Variants in TMED10 observed in about 807,000 individuals in gnomAD.
TMED10 encodes the protein transmembrane p24 trafficking protein 10, also known as transmembrane emp24 domain-containing protein 10.
A neutral mutation model predicts 23.1 loss-of-function variants in TMED10; 7 were observed. The ratio of observed to expected loss-of-function variants is 0.30; its 90% CI spans 0.17 to 0.57. TMED10 has a LOEUF of 0.57. Among genes scored for constraint, TMED10 ranks in the 20% least tolerant of loss-of-function variants. The pLI, the probability that TMED10 is intolerant of heterozygous loss-of-function variation, is 0.91. For missense variants in TMED10, 162 were observed against 274.8 expected, an observed-to-expected ratio of 0.59 and a Z score of 2.90; for synonymous variants, 113 against 106.9, an observed-to-expected ratio of 1.06 and a Z score of -0.35.
chr14:75,139,148 C>A (rs1194044311), intron 3 of TMED10: 1 of 453,162 alleles, frequency 2.2e-6, no homozygotes, highest in Non-Finnish European at 4.4e-6. Context: ...TATCTTTCCA[C>A]ACCTTTTCTT....
rs35138830 is a variant in TMED10, at chr14:75,132,384, T to TCCCCCCCC, written c.*2493_*2500dup. ...GCCTGGGCGTTGCAGCAAGACTCCG[T>TCCCCCCCC]CCCCCCCCCCCCAAAAAAAAAAAAG... On this transcript the variant is annotated 3_prime_UTR_variant, in exon 5 of 5. Coordinates refer to ENST00000303575, the MANE Select transcript of TMED10 (RefSeq NM_006827.6). The TCCCCCCCC allele has an allele frequency of 1.9e-5, 1 of 52,890 alleles. No homozygotes were observed. The highest frequency in any genetic ancestry group is 7.8e-5 in the African/African-American group (1 of 12,878). The allele number at this position is 52,890 out of a possible 1,614,324, so 3.3% of individuals were successfully genotyped here.
intron 1 of TMED10, among the ~76,000 whole-genome samples, chr14:75,167,735 G>A (rs1219194380): frequency 6.6e-6 from 1 of 152,074 alleles, no homozygotes; most frequent in East Asian, 1.9e-4. Flanking sequence ...GTTCATGCCT[G>A]TAATCTCAGT....
At chr14:75,142,433 C>T (rs1237781522) in intron 3 of TMED10, among the ~76,000 whole-genome samples, 1 of 152,120 alleles carries the variant, frequency 6.6e-6, no homozygotes, top group South Asian at 2.1e-4. Context: ...CTGTAAAATT[C>T]GAGAACAGAA....
In TMED10 at chr14:75,134,908, T is replaced by G. The variant is rs779241962; in HGVS notation, c.637A>C (p.Lys213Gln). The G allele has an allele frequency of 1.9e-6, 3 of 1,613,846 alleles. No homozygotes were observed. The South Asian group carries it at 3.3e-5, about 18-fold the overall frequency. ...WQVFYLRRFF[K>Q]AKKLIE ...CATTACTCAATCAATTTCTTGGCCTTGAAGAAGCGTCGCAGGTAGAAGACC... is the reference window on the plus strand; with the variant it reads ...CATTACTCAATCAATTTCTTGGCCTGGAAGAAGCGTCGCAGGTAGAAGACC... The change falls in exon 5 of 5, where the codon AAG becomes CAG. Residue 213 changes from lysine to glutamine, a missense_variant. Lys to Gln is a moderately conservative substitution (Grantham distance 53, BLOSUM62 1). Coordinates refer to ENST00000303575, the MANE Select transcript of TMED10 (RefSeq NM_006827.6).
intron 2 of TMED10, 130 bp downstream of exon 2, chr14:75,151,902 A>C: frequency 1.3e-6 from 1 of 781,796 alleles, no homozygotes; most frequent in Non-Finnish European, 2.0e-6. Context: ...CAAAGACTAC[A>C]AGGTAACAGG....
Position 75,147,185 on chromosome 14 carries a change from G to GTTTTTTTTTTTTTTTTTT in TMED10, c.411+461_411+478dup, listed in dbSNP as rs71119349. Among the ~76,000 whole-genome samples the GTTTTTTTTTTTTTTTTTT allele has an allele frequency of 3.3e-4, 38 of 116,594 alleles. 1 individual carries two copies. Among genetic ancestry groups the GTTTTTTTTTTTTTTTTTT allele is most frequent in the African/African-American group, 1.3e-3 (33 of 26,270 alleles). 76.5% of individuals were successfully genotyped at this position (116,594 alleles called of 152,430 possible). A position where few individuals can be genotyped will look rare whatever the true frequency, so the allele number is the denominator to read the frequency against. On this transcript the variant is annotated intron_variant, in intron 3 of 4. Transcript: ENST00000303575. Reference sequence around the variant, plus strand: ...ACAGCCAGAATTATTCTTCAAGGCTGTTTTTTTTTTTTTTTTTTTTTGAGA... The same window carrying GTTTTTTTTTTTTTTTTTT: ...ACAGCCAGAATTATTCTTCAAGGCTGTTTTTTTTTTTTTTTTTTTTTTTTTTTTTTTTTTTTTTTGAGA...
intron 3 of TMED10, among the ~76,000 whole-genome samples, chr14:75,145,602 A>G (rs1486954679): frequency 6.6e-6 from 1 of 152,164 alleles, no homozygotes; most frequent in Non-Finnish European, 1.5e-5. Flanking sequence ...CCTGGCTAAC[A>G]TGGTGAAACC....
chr14:75,170,884 C>A (rs2139862456), intron 1 of TMED10, among the ~76,000 whole-genome samples: 1 of 152,310 alleles, frequency 6.6e-6, no homozygotes, highest in East Asian at 1.9e-4. Flanking sequence ...ATAATAAATG[C>A]ACACAGTAGT....
intron 1 of TMED10, among the ~76,000 whole-genome samples, chr14:75,164,540 TATATATATATATATATATATATATA>T (rs1896126808): frequency 1.2e-4 from 1 of 8,018 alleles, no homozygotes; most frequent in Non-Finnish European, 2.7e-4. Flanking sequence ...CTAATATATA[TATATATATATATATATATATATATA>T]TATATATATA....
intron 1 of TMED10, among the ~76,000 whole-genome samples, chr14:75,165,658 T>A (rs186823373): frequency 1.6e-4 from 25 of 152,342 alleles, no homozygotes; most frequent in Admixed American, 1.4e-3. Context: ...GTACAAAGTC[T>A]ATCAAATATA....
intron 1 of TMED10, among the ~76,000 whole-genome samples, chr14:75,162,038 G>A (rs879663950): frequency 3.3e-5 from 5 of 152,008 alleles, no homozygotes; most frequent in Non-Finnish European, 5.9e-5. Context: ...GGGGTGGGGG[G>A]CAGATCATTT....
In TMED10 at chr14:75,156,134, C is replaced by T. The variant is rs115551268; in HGVS notation, c.226-3991G>A. On this transcript the variant is annotated intron_variant, in intron 1 of 4. Coordinates refer to ENST00000303575, the MANE Select transcript of TMED10 (RefSeq NM_006827.6). ...AGTCAATGACAATTCAGAAAGATGA[C>T]GCTACCAGTACTATGAAGACAGACT... Among the ~76,000 whole-genome samples the T allele has an allele frequency of 2.4e-3, 367 of 152,082 alleles. 2 individuals carry two copies. The highest frequency in any genetic ancestry group is 8.6e-3 in the African/African-American group (358 of 41,462).
rs74624644 is a variant in TMED10, at chr14:75,162,033, G to T, written c.226-9890C>A. 4.6e-5 allele frequency among the ~76,000 whole-genome samples: 7 copies of T among 151,568 alleles called. No individual in the cohort carries two copies. The East Asian group carries it at 1.2e-3, about 25-fold the overall frequency. On this transcript the variant is annotated intron_variant, in intron 1 of 4. Coordinates refer to ENST00000303575, the MANE Select transcript of TMED10 (RefSeq NM_006827.6). ...AAAAACCAGAGGTCCGGGGCGGGGT[G>T]GGGGGCAGATCATTTAAGGTCAGGA...
intron 2 of TMED10, 54 bp from the exon 3 acceptor site, chr14:75,147,791 T>G (rs1308098933): frequency 6.5e-7 from 1 of 1,530,866 alleles, no homozygotes; most frequent in East Asian, 2.5e-5. Context: ...TTCTGGGAAA[T>G]TACCCACCCA....
chr14:75,165,615 A>G (rs1896151140), intron 1 of TMED10, among the ~76,000 whole-genome samples: 1 of 152,228 alleles, frequency 6.6e-6, no homozygotes, highest in Non-Finnish European at 1.5e-5. Context: ...TGGGCATAAA[A>G]TGAATTTAAG....
intron 1 of TMED10, among the ~76,000 whole-genome samples, chr14:75,169,144 T>C (rs538885454): frequency 6.6e-6 from 1 of 152,364 alleles, no homozygotes; most frequent in South Asian, 2.1e-4. Flanking sequence ...GGTCCTACTA[T>C]GTGCCAGGCC....
chr14:75,166,741 G>A (rs1896167697), intron 1 of TMED10, among the ~76,000 whole-genome samples: 1 of 152,158 alleles, frequency 6.6e-6, no homozygotes, highest in Admixed American at 6.5e-5. Flanking sequence ...AAATGTCAAT[G>A]TACCAATTAG....
At chr14:75,135,678 A>G in intron 4 of TMED10, 82 bp downstream of exon 4, 2 of 1,555,558 alleles carry the variant, frequency 1.3e-6, no homozygotes, top group South Asian at 1.2e-5. Flanking sequence ...CAAAACTGAG[A>G]AAAGGGTACA....
At chr14:75,150,696 A>C (rs1211376590) in intron 2 of TMED10, among the ~76,000 whole-genome samples, 1 of 152,180 alleles carries the variant, frequency 6.6e-6, no homozygotes, top group Non-Finnish European at 1.5e-5. Context: ...AGTAGGCTAT[A>C]ACATCTAGGT....
Sources: gnomAD v4.1 joint callset for allele counts (sites outside exome capture counted in the v4.1 genomes callset) on GRCh38, gnomAD v4.1.1 for gene constraint, MANE v1.5 for transcripts, NCBI Gene and HGNC (gene_info 2026-07-23, HGNC 2026-07-21) for gene names.